CALN1: variants seen among roughly 807,000 people sequenced by gnomAD.
CALN1 encodes the protein calneuron 1.
CALN1 carries 17 observed loss-of-function variants against 30.6 expected under a neutral mutation model. That is an observed-to-expected ratio of 0.56 (90% CI 0.38 to 0.83). CALN1 has a LOEUF of 0.83. Ranked by LOEUF, CALN1 falls within the 40% of genes least tolerant of loss-of-function variation. The probability of loss-of-function intolerance (pLI) is 0.00; values close to 1 mark genes in which losing one functional copy is unlikely to be tolerated. For synonymous variants in CALN1, 156 were observed against 131.4 expected, an observed-to-expected ratio of 1.19 and a Z score of -1.28; for missense variants, 291 against 354.9, an observed-to-expected ratio of 0.82 and a Z score of 1.45.
chr7:71,908,693 A>AGC (rs1036292006), intron 5 of CALN1, among the ~76,000 whole-genome samples: 1 of 152,190 alleles, frequency 6.6e-6, no homozygotes, highest in African/African-American at 2.4e-5. Context: ...TCCTCCAAAA[A>AGC]GTAAGGACAG....
intron 3 of CALN1, among the ~76,000 whole-genome samples, chr7:72,194,632 G>A (rs555047255): frequency 1.1e-4 from 14 of 132,086 alleles, no homozygotes; most frequent in East Asian, 4.6e-4. Flanking sequence ...TTGCTCTGTC[G>A]CCAGGCTGGA....
At chr7:72,487,896 A>T in the CALN1 span, among the ~76,000 whole-genome samples, 106 of 70,978 alleles carry the variant, frequency 1.5e-3, 1 homozygote, top group African/African-American at 6.2e-3. Flanking sequence ...AAAGAAAAGA[A>T]AGAAAGAAAG....
chr7:72,437,134 A>G (rs964109775), intron 1 of CALN1, among the ~76,000 whole-genome samples: 1 of 152,062 alleles, frequency 6.6e-6, no homozygotes, highest in African/African-American at 2.4e-5. Context: ...GAAACACTCA[A>G]ATTTTAGAGA....
At chr7:72,317,720 G>A (rs1418176488) in intron 2 of CALN1, among the ~76,000 whole-genome samples, 1 of 152,140 alleles carries the variant, frequency 6.6e-6, no homozygotes, top group African/African-American at 2.4e-5. Flanking sequence ...GCTGAGGTTA[G>A]GGATTTGAGG....
rs562939076 is a variant in CALN1, at chr7:72,079,586, G to A, written c.388+26565C>T. Among the ~76,000 whole-genome samples, 3 of 152,144 alleles carry A rather than the reference G, an allele frequency of 2.0e-5. No individual in the cohort carries two copies. In the South Asian group the frequency reaches 6.2e-4, roughly 32 times the overall value. The stretch of plus-strand genomic sequence containing the variant: ...CTAATAAATGCTGAAACTTAATGAA[G>A]GTTAAGTGAAGACTGGCTACTGTAC... On this transcript the variant is annotated intron_variant, in intron 4 of 6. Coordinates refer to ENST00000395275, the MANE Select transcript of CALN1 (RefSeq NM_031468.4).
At chr7:72,487,957 AG>A in the CALN1 span, among the ~76,000 whole-genome samples, 1 of 97,206 alleles carries the variant, frequency 1.0e-5, no homozygotes, top group African/African-American at 4.7e-5. Context: ...AAGGAAGGAA[AG>A]GAAGGAAGGA....
chr7:72,010,176 G>A lies in CALN1; in HGVS notation c.501+13481C>T, dbSNP rs550493094. ...ATACTGAAATCCTAACCCCCATTGTGATGGTATTAGGAAGCGGGCCCTTTG... is the reference window on the plus strand; with the variant it reads ...ATACTGAAATCCTAACCCCCATTGTAATGGTATTAGGAAGCGGGCCCTTTG... On this transcript the variant is annotated intron_variant, in intron 5 of 6. Transcript: ENST00000395275. Among the ~76,000 whole-genome samples the A allele has an allele frequency of 1.2e-4, 18 of 152,278 alleles. No homozygotes were observed. The South Asian group carries it at 3.3e-3, about 28-fold the overall frequency.
intron 2 of CALN1, among the ~76,000 whole-genome samples, chr7:72,307,321 T>C (rs542712262): frequency 1.3e-5 from 2 of 152,318 alleles, no homozygotes; most frequent in African/African-American, 4.8e-5. Flanking sequence ...AGCATGAGAA[T>C]GTTTGGAAAT....
chr7:71,989,041 A>G (rs956103312), intron 5 of CALN1, among the ~76,000 whole-genome samples: 9 of 152,210 alleles, frequency 5.9e-5, no homozygotes, highest in African/African-American at 1.9e-4. Context: ...TGCAAGTATC[A>G]GCCAATTGCA....
intron 3 of CALN1, among the ~76,000 whole-genome samples, chr7:72,257,609 G>A (rs181253252): frequency 5.9e-5 from 9 of 152,132 alleles, no homozygotes; most frequent in African/African-American, 1.9e-4. Flanking sequence ...ATCCCACTAC[G>A]GGGTTCCTAC....
intron 3 of CALN1, among the ~76,000 whole-genome samples, chr7:72,165,662 T>A (rs1290538974): frequency 6.6e-6 from 1 of 152,038 alleles, no homozygotes; most frequent in Non-Finnish European, 1.5e-5. Flanking sequence ...TATCAAATTT[T>A]AAAAATGGAG....
At chr7:72,009,689 C>T (rs577663632) in intron 5 of CALN1, among the ~76,000 whole-genome samples, 2 of 152,238 alleles carry the variant, frequency 1.3e-5, no homozygotes, top group East Asian at 1.9e-4. Context: ...GGTGGTTTCC[C>T]CCATACTGTT....
intron 3 of CALN1, among the ~76,000 whole-genome samples, chr7:72,146,810 T>C (rs1056558170): frequency 9.2e-5 from 14 of 151,832 alleles, no homozygotes; most frequent in African/African-American, 3.4e-4. Flanking sequence ...TCAGAAATAA[T>C]CCACACATCT....
At chr7:72,019,080 G>A (rs1026492308) in intron 5 of CALN1, among the ~76,000 whole-genome samples, 9 of 150,072 alleles carry the variant, frequency 6.0e-5, no homozygotes, top group South Asian at 2.1e-4. Context: ...CAAACTCCCC[G>A]CCTCAACTGA....
intron 2 of CALN1, among the ~76,000 whole-genome samples, chr7:72,342,196 T>C (rs1231192520): frequency 6.6e-6 from 1 of 150,944 alleles, no homozygotes; most frequent in Non-Finnish European, 1.5e-5. Context: ...GAGTTCGAGA[T>C]TACAGTGAAC....
intron 3 of CALN1, among the ~76,000 whole-genome samples, chr7:72,119,540 C>T (rs746993746): frequency 2.8e-4 from 42 of 151,688 alleles, no homozygotes; most frequent in Admixed American, 7.2e-4. Flanking sequence ...CAGAGCTAAC[C>T]CTACATAGGA....
chr7:72,378,631 C>G (rs1484499034), intron 2 of CALN1, among the ~76,000 whole-genome samples: 1 of 151,958 alleles, frequency 6.6e-6, no homozygotes, highest in Non-Finnish European at 1.5e-5. Context: ...ACATTACTTT[C>G]ATATACCTTA....
intron 5 of CALN1, among the ~76,000 whole-genome samples, chr7:71,910,505 G>A (rs1794372295): frequency 1.3e-5 from 2 of 152,194 alleles, no homozygotes; most frequent in South Asian, 4.1e-4. Flanking sequence ...ACACCTAACA[G>A]ACAGATGAAC....
At chr7:71,819,224 T>C (rs1038298026) in intron 5 of CALN1, among the ~76,000 whole-genome samples, 1 of 151,314 alleles carries the variant, frequency 6.6e-6, no homozygotes, top group Non-Finnish European at 1.5e-5. Context: ...TTTTTTTTTT[T>C]TGAGACAGGG....
Sources: gnomAD v4.1 joint callset for allele counts (sites outside exome capture counted in the v4.1 genomes callset) on GRCh38, gnomAD v4.1.1 for gene constraint, MANE v1.5 for transcripts, NCBI Gene and HGNC (gene_info 2026-07-23, HGNC 2026-07-21) for gene names.